GOLGB1: variants seen among roughly 807,000 people sequenced by gnomAD.
GOLGB1 encodes golgin subfamily B member 1.
Under a neutral mutation model 336.9 loss-of-function variants are expected in GOLGB1, and 174 were observed. The ratio of observed to expected loss-of-function variants is 0.52; its 90% CI spans 0.46 to 0.59. The LOEUF is 0.59. Ranked by LOEUF, GOLGB1 falls within the 20% of genes least tolerant of loss-of-function variation. GOLGB1 has a pLI of 0.00. For missense variants in GOLGB1, 3,331 were observed against 3,645.3 expected (o/e 0.91, Z 2.22); for synonymous variants, 1,208 against 1,289.2 (o/e 0.94, Z 1.35).
intron 17 of GOLGB1, among the ~76,000 whole-genome samples, chr3:121,675,003 T>G (rs897023461): frequency 4.6e-4 from 69 of 150,730 alleles, no homozygotes; most frequent in African/African-American, 1.4e-3. Flanking sequence ...GCCCGGCTAA[T>G]TTTTTTGTAT....
intron 1 of GOLGB1, among the ~76,000 whole-genome samples, chr3:121,733,057 C>G (rs1174705436): frequency 6.6e-6 from 1 of 152,072 alleles, no homozygotes; most frequent in Non-Finnish European, 1.5e-5. Context: ...GGTGCGGTAG[C>G]TCACGCCTGT....
At chr3:121,664,685 T>G in intron 21 of GOLGB1, 71 bp from the exon 22 acceptor site, 1 of 1,454,048 alleles carries the variant, frequency 6.9e-7, no homozygotes, top group Non-Finnish European at 9.7e-7. Context: ...CCTACTAGTC[T>G]TGCACTTAAG....
rs537355408 is a variant in GOLGB1 at position 121,714,315 on chromosome 3, C to G, written c.1404+546G>C. On this transcript the variant is annotated intron_variant, in intron 10 of 21. Transcript: ENST00000614479. ...ATTCTGATATTCAGGCTCAATCAGCCTGAATCAGCCTTCGATGATTACAAT... is the reference window on the plus strand; with the variant it reads ...ATTCTGATATTCAGGCTCAATCAGCGTGAATCAGCCTTCGATGATTACAAT... 3.3e-5 allele frequency among the ~76,000 whole-genome samples: 5 copies of G among 152,274 alleles called. No homozygotes were observed. The East Asian group carries it at 9.7e-4, about 29-fold the overall frequency.
rs781161410 is a variant in GOLGB1 at position 121,719,671 on chromosome 3, G to C, written c.746C>G (p.Ala249Gly). 3.7e-6 allele frequency: 6 copies of C among 1,609,954 alleles called. No individual in the cohort carries two copies. The Admixed American group carries it at 1.0e-4, about 27-fold the overall frequency. ...EDELLQLVTQ[A>G]DVETEMQQKL... ...CTGTTGCATCTCTGTTTCCACATCT[G>C]CCTGGGTTACTAACTGAAGAAGCTC... is the stretch of plus-strand genomic sequence containing the variant. Residue 249 changes from alanine (A) to glycine (G), a missense_variant, in exon 7 of 22, where the codon GCA becomes GGA. Transcript: ENST00000614479.
At chr3:121,744,826 T>A (rs995581083) in intron 1 of GOLGB1, among the ~76,000 whole-genome samples, 5 of 152,142 alleles carry the variant, frequency 3.3e-5, no homozygotes, top group Admixed American at 6.5e-5. Flanking sequence ...ATAGATTGAT[T>A]CAACAGTCTC....
Position 121,664,535 on chromosome 3 carries a change from A to G in GOLGB1, c.9740T>C (p.Ile3247Thr), listed in dbSNP as rs1938313108. The change falls in exon 22 of 22, where the codon ATC becomes ACC. Residue 3247 changes from isoleucine to threonine, a missense_variant. Physicochemically the swap from Ile to Thr is moderately conservative, Grantham distance 89 (BLOSUM62 -1). Transcript: ENST00000614479. ...SRTRVPLLAA[I>T]YFLMIHVLLI... ...CAGGACATGAATCATTAGAAAGTAG[A>G]TGGCTGCTAGAAGTGGCACTCGGGT... 1 of 1,613,654 alleles carries G rather than the reference A, an allele frequency of 6.2e-7. No homozygotes were observed. The highest frequency in any genetic ancestry group is 1.1e-5 in the South Asian group (1 of 91,074).
At chr3:121,736,504 C>A (rs1205786299) in intron 1 of GOLGB1, among the ~76,000 whole-genome samples, 2 of 152,288 alleles carry the variant, frequency 1.3e-5, no homozygotes, top group South Asian at 2.1e-4. Flanking sequence ...CAGGGACATT[C>A]TAAAAATACC....
At chr3:121,733,119 C>T (rs545728861) in intron 1 of GOLGB1, among the ~76,000 whole-genome samples, 6 of 151,832 alleles carry the variant, frequency 4.0e-5, no homozygotes, top group Admixed American at 3.9e-4. Flanking sequence ...GTCAGGAGAT[C>T]GACACCATCT....
At chr3:121,666,939 T>C (rs1159041580) in intron 20 of GOLGB1, among the ~76,000 whole-genome samples, 1 of 152,234 alleles carries the variant, frequency 6.6e-6, no homozygotes, top group Non-Finnish European at 1.5e-5. Flanking sequence ...GTTATTCCAA[T>C]ACTCTTGTTT....
intron 1 of GOLGB1, among the ~76,000 whole-genome samples, chr3:121,742,559 C>T (rs1378112109): frequency 6.6e-5 from 10 of 152,114 alleles, no homozygotes; most frequent in Admixed American, 6.5e-4. Context: ...TAGGCATGGG[C>T]AAAGACTTCA....
intron 12 of GOLGB1, 129 bp from the exon 13 acceptor site, chr3:121,699,058 T>C (rs970911322): frequency 2.2e-5 from 14 of 642,696 alleles, no homozygotes; most frequent in East Asian, 1.4e-4. Flanking sequence ...CTTTGTACCA[T>C]AACACTGCTA....
intron 10 of GOLGB1, among the ~76,000 whole-genome samples, chr3:121,706,944 G>GACT (rs1943906273): frequency 6.6e-6 from 1 of 151,870 alleles, no homozygotes; most frequent in Non-Finnish European, 1.5e-5. Flanking sequence ...CAGGCACGGT[G>GACT]ACTCACACCT....
At chr3:121,685,141 T>C (rs1361892260) in intron 14 of GOLGB1, among the ~76,000 whole-genome samples, 1 of 152,208 alleles carries the variant, frequency 6.6e-6, no homozygotes, top group African/African-American at 2.4e-5. Flanking sequence ...TCTCTAACGC[T>C]CTAGTAGCAT....
chr3:121,742,913 G>A (rs1221850770), intron 1 of GOLGB1, among the ~76,000 whole-genome samples: 1 of 152,190 alleles, frequency 6.6e-6, no homozygotes, highest in Non-Finnish European at 1.5e-5. Context: ...AAACTACAAT[G>A]AGATACCATC....
At position 121,698,802 on chromosome 3, in the gene GOLGB1, G is replaced by C; in HGVS notation, c.1721C>G (p.Ala574Gly). 6.2e-7 allele frequency: 1 copy of C among 1,613,376 alleles called. No homozygotes were observed. Among genetic ancestry groups the C allele is most frequent in the Non-Finnish European group, 8.5e-7 (1 of 1,179,624 alleles). ...LSVLLLEMKE[A>G]QEEIAFLKLQ... ...TTTAAGAAATGCAATTTCCTCTTGA[G>C]CTTCTTTCATTTCCAACAATAAAAC... is the stretch of plus-strand genomic sequence containing the variant. Residue 574 changes from alanine (A) to glycine (G), a missense_variant, in exon 13 of 22, where the codon GCT becomes GGT. Coordinates refer to ENST00000614479, the MANE Select transcript of GOLGB1 (RefSeq NM_001366282.2).
At position 121,678,992 on chromosome 3, in the gene GOLGB1, T is replaced by TA. The variant is rs202068344; in HGVS notation, c.8874-1543dup. Among the ~76,000 whole-genome samples, 26 of 150,258 alleles carry TA rather than the reference T, an allele frequency of 1.7e-4. No individual in the cohort carries two copies. In the South Asian group the frequency reaches 2.1e-3, roughly 12 times the overall value. On this transcript the variant is annotated intron_variant, in intron 15 of 21. Coordinates refer to ENST00000614479, the MANE Select transcript of GOLGB1 (RefSeq NM_001366282.2). ...ATTAAATTTGTCAGAAAAACTGAAT[T>TA]AAAAAAAAAATCAGAATTATAGCTC... is the stretch of plus-strand genomic sequence containing the variant.
chr3:121,686,989 C>T (rs1001353273), intron 14 of GOLGB1, among the ~76,000 whole-genome samples: 1 of 152,086 alleles, frequency 6.6e-6, no homozygotes, highest in Non-Finnish European at 1.5e-5. Context: ...ATTACAGGGT[C>T]TTGGCCAGGT....
In GOLGB1 at chr3:121,697,496, C is replaced by T. The variant is rs1943047729; in HGVS notation, c.3027G>A (p.Glu1009=). 1.2e-6 allele frequency: 2 copies of T among 1,611,464 alleles called. No homozygotes were observed. Among genetic ancestry groups the T allele is most frequent in the Middle Eastern group, 1.6e-4 (1 of 6,066 alleles). ...CCAATCTACTGACTCTTTGCAGAAG[C>T]TCCTTTCTGTTAATAAGAGCTGCCT... ...KLQAALINRK[E]LLQRVSRLEE... The change falls in exon 13 of 22, where the codon GAG becomes GAA. Residue 1009 remains glutamate, a synonymous_variant. Transcript: ENST00000614479.
chr3:121,746,453 C>CTTTATTTA (rs10530584), intron 1 of GOLGB1, among the ~76,000 whole-genome samples: 159 of 150,974 alleles, frequency 1.1e-3, no homozygotes, highest in East Asian at 4.1e-3. Context: ...ATTTAACTCA[C>CTTTATTTA]TTTATTTATT....
Sources: allele counts gnomAD v4.1 joint callset (sites outside exome capture counted in the v4.1 genomes callset), GRCh38; gene constraint gnomAD v4.1.1; transcripts MANE v1.5; gene names NCBI Gene and HGNC (gene_info 2026-07-23, HGNC 2026-07-21).